The following KREMEN1 variants were observed in gnomAD, a reference collection of about 807,000 sequenced individuals.
KREMEN1 encodes the protein kremen protein 1.
A neutral mutation model predicts 46.5 loss-of-function variants in KREMEN1; 30 were observed. The ratio of observed to expected loss-of-function variants is 0.65; its 90% CI spans 0.48 to 0.88. The LOEUF is 0.88. Among genes scored for constraint, KREMEN1 ranks in the 40% least tolerant of loss-of-function variants. KREMEN1 has a pLI of 0.00. For synonymous variants in KREMEN1, 214 were observed against 230.6 expected (o/e 0.93, Z 0.65); for missense variants, 533 against 596.9 (o/e 0.89, Z 1.11).
chr22:29,154,729 G>C (rs924651902), intron 9 of KREMEN1: 2 of 152,262 alleles, frequency 1.3e-5, no homozygotes, highest in African/African-American at 4.8e-5. Flanking sequence ...CCAGCGCGGT[G>C]ATGCGTGCCT....
At chr22:29,102,036 A>T (rs2037985256) in intron 3 of KREMEN1, among the ~76,000 whole-genome samples, 1 of 152,218 alleles carries the variant, frequency 6.6e-6, no homozygotes, top group Non-Finnish European at 1.5e-5. Context: ...ATGCCAGAAG[A>T]GCTCAGTGCC....
At chr22:29,155,252 A>C (rs549997508) in intron 9 of KREMEN1, among the ~76,000 whole-genome samples, 3 of 152,314 alleles carry the variant, frequency 2.0e-5, no homozygotes, top group East Asian at 1.9e-4. Context: ...AGACAGGAGG[A>C]GGCCAGGGGC....
chr22:29,101,291 A>G (rs2037972820), intron 3 of KREMEN1, among the ~76,000 whole-genome samples: 1 of 151,486 alleles, frequency 6.6e-6, no homozygotes, highest in Non-Finnish European at 1.5e-5. Flanking sequence ...TAAGGGAAGA[A>G]CATATTTTTG....
chr22:29,111,722 GT>G (rs1443353997), intron 3 of KREMEN1: 3 of 150,042 alleles, frequency 2.0e-5, no homozygotes, highest in Non-Finnish European at 4.4e-5. Context: ...CTTGGAAAGA[GT>G]TTTTTAGTTT....
chr22:29,129,282 G>A (rs926092300), intron 5 of KREMEN1, among the ~76,000 whole-genome samples: 2 of 151,040 alleles, frequency 1.3e-5, no homozygotes, highest in African/African-American at 4.9e-5. Context: ...GGGAGGTGGA[G>A]GTTGCAGTGA....
chr22:29,088,391 C>T (rs749887014), intron 1 of KREMEN1, among the ~76,000 whole-genome samples: 2 of 152,192 alleles, frequency 1.3e-5, no homozygotes, highest in South Asian at 2.1e-4. Context: ...TGCCTTGGTG[C>T]GATCTTGGCT....
At chr22:29,123,421 G>C (rs1352421317) in intron 4 of KREMEN1, among the ~76,000 whole-genome samples, 2 of 151,296 alleles carry the variant, frequency 1.3e-5, no homozygotes, top group East Asian at 3.9e-4. Flanking sequence ...CAAAAGACCT[G>C]AACAGAAGAT....
intron 5 of KREMEN1, 127 bp downstream of exon 5, chr22:29,125,543 C>A: frequency 1.1e-6 from 1 of 950,262 alleles, no homozygotes; most frequent in South Asian, 1.6e-5. Flanking sequence ...ATACTTGTGA[C>A]TAGACCCTGG....
intron 5 of KREMEN1, among the ~76,000 whole-genome samples, chr22:29,126,748 T>G: frequency 6.6e-6 from 1 of 152,170 alleles, no homozygotes; most frequent in East Asian, 1.9e-4. Flanking sequence ...TTATCTAAAG[T>G]GTGTTTGTAT....
chr22:29,120,217 A>T (rs59873718), intron 3 of KREMEN1, among the ~76,000 whole-genome samples: 540 of 22,474 alleles, frequency 0.024, 2 homozygotes, highest in Middle Eastern at 0.045. Context: ...GAGGTGATGA[A>T]GGAAATGGAG....
At position 29,098,903 on chromosome 22, in the gene KREMEN1, A is replaced by G. The variant is rs2037928441; in HGVS notation, c.302A>G (p.Glu101Gly). Residue 101 changes from glutamate to glycine, a missense_variant, in exon 3 of 9, where the codon GAG becomes GGG. Glu to Gly is a moderately conservative substitution (Grantham distance 98). Coordinates refer to ENST00000400335, the MANE Select transcript of KREMEN1 (RefSeq NM_001039570.3). ...GDVSPWCYVA[E>G]HEDGVYWKYC... The stretch of plus-strand genomic sequence containing the variant: ...GTGAGCCCCTGGTGCTATGTGGCAG[A>G]GCACGAGGATGGTGTCTACTGGAAG... 9 of 1,614,080 alleles carry G rather than the reference A, an allele frequency of 5.6e-6. 1 individual carries two copies. In the East Asian group the frequency reaches 1.8e-4, roughly 32 times the overall value.
At chr22:29,125,147 A>G (rs1262557817) in intron 4 of KREMEN1, 116 bp from the exon 5 acceptor site, 10 of 1,123,430 alleles carry the variant, frequency 8.9e-6, no homozygotes, top group Non-Finnish European at 1.3e-5. Flanking sequence ...TCCCAGGGGA[A>G]GGGACCCTGG....
At chr22:29,095,880 A>C (rs2037876282) in intron 2 of KREMEN1, among the ~76,000 whole-genome samples, 1 of 152,076 alleles carries the variant, frequency 6.6e-6, no homozygotes, top group Non-Finnish European at 1.5e-5. Flanking sequence ...TTCTTAAAAA[A>C]AAAAACTTCT....
chr22:29,145,783 G>T lies in KREMEN1; in HGVS notation c.*3671G>T. The T allele has an allele frequency of 2.0e-6, 2 of 985,532 alleles. No homozygotes were observed. Among genetic ancestry groups the T allele is most frequent in the Non-Finnish European group, 2.4e-6 (2 of 829,988 alleles). The allele number at this position is 985,532 out of a possible 1,614,324, so 61.0% of individuals were successfully genotyped here. On this transcript the variant is annotated 3_prime_UTR_variant, in exon 9 of 9. Transcript: ENST00000400335. ...AAACCAGGCTGCTCTAACTTCTGAAGAGTGGGCTCTGGCTCAAGACTCCAA... is the reference window on the plus strand; with the variant it reads ...AAACCAGGCTGCTCTAACTTCTGAATAGTGGGCTCTGGCTCAAGACTCCAA...
rs2038856288 is a variant in KREMEN1 at position 29,146,097 on chromosome 22, G to A, written c.*3985G>A. On this transcript the variant is annotated 3_prime_UTR_variant, in exon 9 of 9. Transcript: ENST00000400335. ...GAGGTCAGGCCAGGTCTCCCACGGA[G>A]CCGGGCAGCTCCACACCCCACCACC... 2 of 985,930 alleles carry A rather than the reference G, an allele frequency of 2.0e-6. No individual in the cohort carries two copies. The highest frequency in any genetic ancestry group is 1.7e-5 in the African/African-American group (1 of 57,332). The allele number at this position is 985,930 out of a possible 1,614,324, so 61.1% of individuals were successfully genotyped here.
At chr22:29,098,608 A>G (rs911134426) in intron 2 of KREMEN1, among the ~76,000 whole-genome samples, 1 of 152,196 alleles carries the variant, frequency 6.6e-6, no homozygotes, top group Non-Finnish European at 1.5e-5. Flanking sequence ...TAGTTATGCT[A>G]TAGTGAATTT....
intron 4 of KREMEN1, among the ~76,000 whole-genome samples, chr22:29,123,303 A>G (rs2038388546): frequency 6.6e-6 from 1 of 152,030 alleles, no homozygotes; most frequent in Admixed American, 6.5e-5. Context: ...ATATTTGCAA[A>G]TCACATATGT....
intron 1 of KREMEN1, among the ~76,000 whole-genome samples, chr22:29,085,815 T>A (rs2037719457): frequency 6.6e-6 from 1 of 151,852 alleles, no homozygotes; most frequent in Non-Finnish European, 1.5e-5. Context: ...TACAAAAAAT[T>A]AAAAAATTAG....
rs145830715 is a variant in KREMEN1, at chr22:29,074,653, C to T, written c.97+1426C>T. On this transcript the variant is annotated intron_variant, in intron 1 of 8. Transcript: ENST00000400335. Reference sequence around the variant, plus strand: ...TAGGAAAACCCGCCTCTGGGTTCTCCACCCAAAGTCACAGACTGATGTTGG... The same window carrying T: ...TAGGAAAACCCGCCTCTGGGTTCTCTACCCAAAGTCACAGACTGATGTTGG... Among the ~76,000 whole-genome samples, 118 of 152,356 alleles carry T rather than the reference C, an allele frequency of 7.7e-4. 1 individual carries two copies. In the East Asian group the frequency reaches 0.022, roughly 28 times the overall value.
Sources: gnomAD v4.1 joint callset for allele counts (sites outside exome capture counted in the v4.1 genomes callset) on GRCh38, gnomAD v4.1.1 for gene constraint, MANE v1.5 for transcripts, NCBI Gene and HGNC (gene_info 2026-07-23, HGNC 2026-07-21) for gene names.